Variants in PTPRD observed in about 807,000 individuals in gnomAD.
The protein encoded by PTPRD is protein tyrosine phosphatase receptor type D.
In PTPRD, 34 loss-of-function variants were observed where a neutral mutation model predicts 214.5. The ratio of observed to expected loss-of-function variants is 0.16; its 90% CI spans 0.12 to 0.21. The LOEUF (loss-of-function observed/expected upper bound fraction) is 0.21. PTPRD is among the 10% of genes least tolerant of loss of function. PTPRD has a pLI of 1.00. For missense variants in PTPRD, 2,545 were observed against 2,398.7 expected, an observed-to-expected ratio of 1.06 and a Z score of -1.27; for synonymous variants, 1,128 against 845.7, an observed-to-expected ratio of 1.33 and a Z score of -5.79.
chr9:10,532,425 A>C (rs554740795), intron 2 of PTPRD: 1 of 150,068 alleles, frequency 6.7e-6, no homozygotes, highest in African/African-American at 2.4e-5. Context: ...CAAATGACAC[A>C]TTGGTTAGTG....
At chr9:8,644,280 A>G (rs907511472) in intron 12 of PTPRD, among the ~76,000 whole-genome samples, 1 of 152,094 alleles carries the variant, frequency 6.6e-6, no homozygotes, top group Non-Finnish European at 1.5e-5. Flanking sequence ...CCTCTCTGAC[A>G]GGAGCTGAAC....
chr9:9,473,524 C>G (rs2094785394), intron 8 of PTPRD, among the ~76,000 whole-genome samples: 1 of 152,160 alleles, frequency 6.6e-6, no homozygotes, highest in Non-Finnish European at 1.5e-5. Context: ...TATAATAGTT[C>G]TATTTTTAGT....
intron 5 of PTPRD, among the ~76,000 whole-genome samples, chr9:9,767,161 C>A (rs1345098817): frequency 2.6e-5 from 4 of 151,806 alleles, no homozygotes; most frequent in African/African-American, 4.8e-5. Flanking sequence ...ATACAGATAT[C>A]AATTTTATGC....
intron 5 of PTPRD, among the ~76,000 whole-genome samples, chr9:9,768,773 G>C (rs1451466637): frequency 6.6e-6 from 1 of 152,130 alleles, no homozygotes; most frequent in African/African-American, 2.4e-5. Context: ...TGGGGTAAAG[G>C]GATTGCTTAA....
intron 7 of PTPRD, among the ~76,000 whole-genome samples, chr9:9,660,442 T>C (rs1396206269): frequency 6.6e-6 from 1 of 151,914 alleles, no homozygotes; most frequent in African/African-American, 2.4e-5. Context: ...TAGAGATGCT[T>C]TGAGTGATGG....
chr9:9,945,961 C>T (rs1490808165), intron 4 of PTPRD, among the ~76,000 whole-genome samples: 5 of 142,636 alleles, frequency 3.5e-5, no homozygotes, highest in African/African-American at 5.4e-5. Flanking sequence ...TAAAATGATA[C>T]AAATTAAATG....
At chr9:8,877,185 A>G (rs1219840127) in intron 11 of PTPRD, among the ~76,000 whole-genome samples, 1 of 152,114 alleles carries the variant, frequency 6.6e-6, no homozygotes, top group African/African-American at 2.4e-5. Context: ...TCAGCCTCCC[A>G]AAATGCTGGG....
chr9:9,773,988 G>A (rs1232341699), intron 5 of PTPRD, among the ~76,000 whole-genome samples: 1 of 152,200 alleles, frequency 6.6e-6, no homozygotes, highest in East Asian at 1.9e-4. Flanking sequence ...GAGGAGTGAA[G>A]TGTTAATCTC....
intron 2 of PTPRD, among the ~76,000 whole-genome samples, chr9:10,425,369 C>A (rs1470862743): frequency 6.6e-6 from 1 of 151,938 alleles, no homozygotes; most frequent in Non-Finnish European, 1.5e-5. Context: ...ATCATAGTCA[C>A]CAGAACATTC....
chr9:8,948,439 A>ATATATATATATT (rs1567181539), intron 11 of PTPRD, among the ~76,000 whole-genome samples: 5 of 4,866 alleles, frequency 1.0e-3, no homozygotes, highest in African/African-American at 1.7e-3. Flanking sequence ...ATATATATTT[A>ATATATATATATT]CATATATATA....
intron 44 of PTPRD, among the ~76,000 whole-genome samples, chr9:8,329,594 G>A (rs76937104): frequency 0.039 from 5,921 of 152,192 alleles, 181 homozygotes; most frequent in South Asian, 0.16. Flanking sequence ...GGATGTTTAC[G>A]TCTGCTGAAG....
At chr9:8,868,274 C>T (rs562524674) in intron 11 of PTPRD, among the ~76,000 whole-genome samples, 1 of 152,216 alleles carries the variant, frequency 6.6e-6, no homozygotes, top group South Asian at 2.1e-4. Flanking sequence ...ATCTCAGCTA[C>T]TGCAACCTCT....
intron 9 of PTPRD, among the ~76,000 whole-genome samples, chr9:9,324,820 T>C (rs1371825376): frequency 6.6e-6 from 1 of 152,214 alleles, no homozygotes; most frequent in Non-Finnish European, 1.5e-5. Context: ...TTTTTATGGT[T>C]TTAGGTCTAA....
At chr9:8,655,095 AAT>A (rs2096884002) in intron 12 of PTPRD, among the ~76,000 whole-genome samples, 1 of 152,192 alleles carries the variant, frequency 6.6e-6, no homozygotes, top group South Asian at 2.1e-4. Context: ...AAAAAAATTA[AAT>A]AGTTAAAAAA....
intron 12 of PTPRD, among the ~76,000 whole-genome samples, chr9:8,688,631 G>T (rs12351819): frequency 7.5e-5 from 11 of 147,312 alleles, no homozygotes; most frequent in African/African-American, 2.2e-4. Context: ...TATAAAAAAA[G>T]AAAGTTATGT....
At position 10,361,292 on chromosome 9, in the gene PTPRD, T is replaced by G. The variant is rs144122969; in HGVS notation, c.-599-20275A>C. ...TCATGTCATGGAGCTTCTTGAAATCTTCACTGTATACTCATAAGAGAAAAG... is the reference window on the plus strand; with the variant it reads ...TCATGTCATGGAGCTTCTTGAAATCGTCACTGTATACTCATAAGAGAAAAG... On this transcript the variant is annotated intron_variant, in intron 2 of 45. Transcript: ENST00000381196. Among the ~76,000 whole-genome samples the G allele has an allele frequency of 2.1e-3, 319 of 152,314 alleles. 2 individuals are homozygous for G. Among genetic ancestry groups the G allele is most frequent in the African/African-American group, 7.3e-3 (302 of 41,582 alleles).
intron 8 of PTPRD, among the ~76,000 whole-genome samples, chr9:9,429,692 G>A (rs2082322701): frequency 2.0e-5 from 3 of 152,096 alleles, no homozygotes; most frequent in Non-Finnish European, 4.4e-5. Flanking sequence ...ACATCAAAAA[G>A]CTTATCCACC....
intron 11 of PTPRD, among the ~76,000 whole-genome samples, chr9:8,747,265 C>T (rs546350903): frequency 8.1e-4 from 123 of 152,226 alleles, no homozygotes; most frequent in Non-Finnish European, 1.3e-3. Context: ...ATAGCCCTCA[C>T]TCAGGCACTA....
intron 9 of PTPRD, among the ~76,000 whole-genome samples, chr9:9,359,108 T>C (rs1020603429): frequency 6.6e-5 from 10 of 151,194 alleles, no homozygotes; most frequent in African/African-American, 1.9e-4. Flanking sequence ...ATTTTCAGAG[T>C]CAACAGATGT....
Sources: gnomAD v4.1 joint callset for allele counts (sites outside exome capture counted in the v4.1 genomes callset) on GRCh38, gnomAD v4.1.1 for gene constraint, MANE v1.5 for transcripts, NCBI Gene and HGNC (gene_info 2026-07-23, HGNC 2026-07-21) for gene names.